Variants in ETF1 observed in about 807,000 individuals in gnomAD.
ETF1 encodes eukaryotic translation termination factor 1.
Under a neutral mutation model 55.1 loss-of-function variants are expected in ETF1, and 4 were observed. The observed-to-expected ratio is 0.07, with a 90% CI of 0.04 to 0.17. The LOEUF (loss-of-function observed/expected upper bound fraction) is 0.17. Ranked by LOEUF, ETF1 falls within the 10% of genes least tolerant of loss-of-function variation. The pLI is 1.00. For missense variants in ETF1, 142 were observed against 523.6 expected, an observed-to-expected ratio of 0.27 and a Z score of 7.11; for synonymous variants, 157 against 182.3, an observed-to-expected ratio of 0.86 and a Z score of 1.12.
chr5:138,526,392 T>A (rs1251933141), intron 2 of ETF1, among the ~76,000 whole-genome samples: 1 of 152,212 alleles, frequency 6.6e-6, no homozygotes, highest in East Asian at 1.9e-4. Context: ...CTTATTTTCA[T>A]AAAGCAAAAT....
At chr5:138,532,438 T>A (rs369092881) in intron 2 of ETF1, among the ~76,000 whole-genome samples, 14 of 152,306 alleles carry the variant, frequency 9.2e-5, no homozygotes, top group African/African-American at 3.1e-4. Flanking sequence ...AGATCATATA[T>A]GTCAAGTGCC....
intron 2 of ETF1, among the ~76,000 whole-genome samples, chr5:138,527,046 T>G (rs760674778): frequency 1.3e-5 from 2 of 152,102 alleles, no homozygotes; most frequent in Non-Finnish European, 2.9e-5. Flanking sequence ...ACCATGTTGG[T>G]CGGGCTGGTC....
rs193108862 is a variant in ETF1, at chr5:138,515,762, G to A, written c.402+1799C>T. Among the ~76,000 whole-genome samples the A allele has an allele frequency of 7.2e-5, 11 of 152,308 alleles. No homozygotes were observed. In the East Asian group the frequency reaches 1.5e-3, roughly 21 times the overall value. Reference sequence around the variant, plus strand: ...TTTAAATCAACAAGATTCAAAATCGGCTTTCATCCAACCAGATACAGGTAA... The same window carrying A: ...TTTAAATCAACAAGATTCAAAATCGACTTTCATCCAACCAGATACAGGTAA... On this transcript the variant is annotated intron_variant, in intron 4 of 10. Transcript: ENST00000360541.
rs545281193 is a variant in ETF1, at chr5:138,531,388, C to T, written c.86+11445G>A. On this transcript the variant is annotated intron_variant, in intron 2 of 10. Transcript: ENST00000360541. ...ACCAATCTGTGGTATTCTGTTATAG[C>T]AGCACAAAAACAAAAATCAAAAAAC... Among the ~76,000 whole-genome samples, 7 of 152,128 alleles carry T rather than the reference C, an allele frequency of 4.6e-5. No individual in the cohort carries two copies. In the South Asian group the frequency reaches 1.2e-3, roughly 27 times the overall value.
At chr5:138,536,852 G>A (rs188936106) in intron 2 of ETF1, among the ~76,000 whole-genome samples, 80 of 152,242 alleles carry the variant, frequency 5.3e-4, no homozygotes, top group African/African-American at 1.6e-3. Context: ...CAAAGAAAAC[G>A]AGCCCTGTGA....
intron 2 of ETF1, among the ~76,000 whole-genome samples, chr5:138,524,222 A>C (rs1242567603): frequency 2.6e-5 from 4 of 150,984 alleles, no homozygotes; most frequent in Non-Finnish European, 5.9e-5. Context: ...GCATGGTGGC[A>C]CACGCCTGTA....
At chr5:138,516,673 T>C (rs1765033703) in intron 4 of ETF1, among the ~76,000 whole-genome samples, 1 of 152,202 alleles carries the variant, frequency 6.6e-6, no homozygotes, top group Non-Finnish European at 1.5e-5. Context: ...TCATAATAAA[T>C]GTAAATTGCC....
intron 3 of ETF1, chr5:138,517,961 G>C (rs1418025180): frequency 5.9e-6 from 5 of 844,786 alleles, no homozygotes; most frequent in Non-Finnish European, 7.1e-6. Flanking sequence ...CAGCACTCTG[G>C]GAGGCCGAGG....
In ETF1 at chr5:138,527,568, G is replaced by A. The variant is rs975265021; in HGVS notation, c.87-8701C>T. On this transcript the variant is annotated intron_variant, in intron 2 of 10. Transcript: ENST00000360541. ...AAAGATACTTGCTTTGGAAGAGACTGGAAACACTGGGCAACTAAACAGAAC... is the reference window on the plus strand; with the variant it reads ...AAAGATACTTGCTTTGGAAGAGACTAGAAACACTGGGCAACTAAACAGAAC... Among the ~76,000 whole-genome samples the A allele has an allele frequency of 3.9e-5, 6 of 152,260 alleles. No individual in the cohort carries two copies. In the South Asian group the frequency reaches 8.3e-4, roughly 21 times the overall value.
intron 3 of ETF1, among the ~76,000 whole-genome samples, chr5:138,518,433 G>A (rs368813148): frequency 6.6e-6 from 1 of 151,908 alleles, no homozygotes; most frequent in East Asian, 1.9e-4. Context: ...GGCTGGTCTC[G>A]AACTCCTGAC....
At chr5:138,541,609 G>A in intron 2 of ETF1, 1 of 1,529,482 alleles carries the variant, frequency 6.5e-7, no homozygotes, top group South Asian at 1.2e-5. Flanking sequence ...TTCTAAAATT[G>A]CAAATCTACC....
At chr5:138,531,624 C>T (rs1412402924) in intron 2 of ETF1, among the ~76,000 whole-genome samples, 2 of 152,216 alleles carry the variant, frequency 1.3e-5, no homozygotes, top group South Asian at 2.1e-4. Flanking sequence ...ATGTACAGTA[C>T]ATGCTCCCCA....
intron 4 of ETF1, among the ~76,000 whole-genome samples, chr5:138,514,650 G>A (rs1269704547): frequency 2.0e-5 from 3 of 150,824 alleles, no homozygotes; most frequent in Admixed American, 1.3e-4. Context: ...CTGCAGCCTC[G>A]AAGTCTTGGA....
At chr5:138,512,226 ATATAT>A (rs1441296146) in intron 6 of ETF1, among the ~76,000 whole-genome samples, 1 of 32,348 alleles carries the variant, frequency 3.1e-5, no homozygotes, top group African/African-American at 1.9e-4. Context: ...AAAAAAAAAA[ATATAT>A]ATATATATAT....
chr5:138,513,951 G>T, intron 4 of ETF1: 2 of 904,578 alleles, frequency 2.2e-6, no homozygotes, highest in Non-Finnish European at 2.6e-6. Flanking sequence ...TTTGACATGG[G>T]CATGTAAATA....
intron 2 of ETF1, among the ~76,000 whole-genome samples, chr5:138,521,339 C>T (rs1765223528): frequency 6.6e-6 from 1 of 152,116 alleles, no homozygotes; most frequent in African/African-American, 2.4e-5. Context: ...TGGAACTAGG[C>T]AGTTGTTTAA....
chr5:138,519,148 A>G, intron 2 of ETF1: 1 of 984,446 alleles, frequency 1.0e-6, no homozygotes, highest in Non-Finnish European at 1.2e-6. Context: ...TTCCTAAAGA[A>G]AGAAGCTATC....
chr5:138,539,632 G>T (rs1007957232), intron 2 of ETF1, among the ~76,000 whole-genome samples: 2 of 151,952 alleles, frequency 1.3e-5, no homozygotes, highest in African/African-American at 4.9e-5. Flanking sequence ...CAAAAATCAA[G>T]TTTATGTGTG....
At chr5:138,511,399 CA>C (rs1764775623) in intron 7 of ETF1, 75 bp downstream of exon 7, 1 of 591,516 alleles carries the variant, frequency 1.7e-6, no homozygotes, top group African/African-American at 5.2e-5. Context: ...TACACACACA[CA>C]CATACACACA....
Sources: allele counts gnomAD v4.1 joint callset (sites outside exome capture counted in the v4.1 genomes callset), GRCh38; gene constraint gnomAD v4.1.1; transcripts MANE v1.5; gene names NCBI Gene and HGNC (gene_info 2026-07-23, HGNC 2026-07-21).